Variants in ACBD6 observed in about 807,000 individuals in gnomAD.
The protein encoded by ACBD6 is acyl-CoA binding domain containing 6, also known as acyl-CoA-binding domain-containing protein 6.
Under a neutral mutation model 37.2 loss-of-function variants are expected in ACBD6, and 28 were observed. The ratio of observed to expected loss-of-function variants is 0.75; its 90% CI spans 0.56 to 1.03. The LOEUF (loss-of-function observed/expected upper bound fraction) is 1.03, where lower values mean the gene tolerates loss of function less well. Among genes scored for constraint, ACBD6 ranks in the 50% least tolerant of loss-of-function variants. The probability of loss-of-function intolerance (pLI) is 0.00; values close to 1 mark genes in which losing one functional copy is unlikely to be tolerated. For missense variants in ACBD6, 340 were observed against 337.4 expected (o/e 1.01, Z -0.06); for synonymous variants, 113 against 126.8 (o/e 0.89, Z 0.73).
chr1:180,297,269 C>A (rs1649955578), intron 7 of ACBD6, among the ~76,000 whole-genome samples: 2 of 152,218 alleles, frequency 1.3e-5, no homozygotes, highest in Middle Eastern at 3.4e-3. Flanking sequence ...GTGATAGGTA[C>A]TTGGGATATA....
chr1:180,315,309 T>A (rs1303304992), intron 6 of ACBD6, among the ~76,000 whole-genome samples: 9 of 152,196 alleles, frequency 5.9e-5, no homozygotes, highest in Non-Finnish European at 4.4e-5. Flanking sequence ...AACATTTCAG[T>A]TATTTTCCTT....
rs190307857 is a variant in ACBD6, at chr1:180,327,877, A to C, written c.664-13155T>G. Reference sequence around the variant, plus strand: ...ATGTGCTCCTGAAGTTAAACAGATTATTTCTTTCCTCACATGTACTCTGCA... The same window carrying C: ...ATGTGCTCCTGAAGTTAAACAGATTCTTTCTTTCCTCACATGTACTCTGCA... On this transcript the variant is annotated intron_variant, in intron 6 of 7. Coordinates refer to ENST00000367595, the MANE Select transcript of ACBD6 (RefSeq NM_032360.4). Among the ~76,000 whole-genome samples, 249 of 152,218 alleles carry C rather than the reference A, an allele frequency of 1.6e-3. 1 individual carries two copies. Among genetic ancestry groups the C allele is most frequent in the African/African-American group, 5.8e-3 (240 of 41,538 alleles).
At chr1:180,449,118 GT>G (rs1649594823) in intron 3 of ACBD6, among the ~76,000 whole-genome samples, 1 of 151,868 alleles carries the variant, frequency 6.6e-6, no homozygotes, top group Non-Finnish European at 1.5e-5. Flanking sequence ...CATTATTTTT[GT>G]CTCCATGCAA....
chr1:180,411,262 A>G (rs192371098), intron 5 of ACBD6, among the ~76,000 whole-genome samples: 1 of 152,374 alleles, frequency 6.6e-6, no homozygotes, highest in East Asian at 1.9e-4. Context: ...AAAAATTTTA[A>G]AGTACAACAT....
intron 1 of ACBD6, among the ~76,000 whole-genome samples, chr1:180,498,855 CAAA>C (rs112571743): frequency 5.2e-5 from 6 of 114,600 alleles, no homozygotes; most frequent in Non-Finnish European, 3.7e-5. Flanking sequence ...AAAACTGTCT[CAAA>C]AAAAAAAAAA....
chr1:180,337,619 C>A (rs1398445212), intron 6 of ACBD6, among the ~76,000 whole-genome samples: 1 of 152,174 alleles, frequency 6.6e-6, no homozygotes, highest in Non-Finnish European at 1.5e-5. Flanking sequence ...TCTCTCACCA[C>A]TCCTATTCAA....
At position 180,471,263 on chromosome 1, in the gene ACBD6, T is replaced by C. The variant is rs189333769; in HGVS notation, c.384+21006A>G. Among the ~76,000 whole-genome samples the C allele has an allele frequency of 1.1e-3, 163 of 152,010 alleles. 2 individuals carry two copies. Among genetic ancestry groups the C allele is most frequent in the Non-Finnish European group, 1.0e-4 (7 of 67,972 alleles). On this transcript the variant is annotated intron_variant, in intron 3 of 7. Transcript: ENST00000367595. ...AAAAAATACGAAAATTAGCCAGGCA[T>C]GGTAGCATGTGGCTGTAGTACCAGC... is the stretch of plus-strand genomic sequence containing the variant.
chr1:180,493,247 CAAAAAAAAAA>C (rs71121023), intron 2 of ACBD6, among the ~76,000 whole-genome samples: 10 of 47,796 alleles, frequency 2.1e-4, no homozygotes, highest in African/African-American at 9.3e-4. Context: ...AATTCTGTCT[CAAAAAAAAAA>C]AAAAAAAAAA....
chr1:180,365,980 G>A (rs1021641199), intron 6 of ACBD6, among the ~76,000 whole-genome samples: 7 of 151,904 alleles, frequency 4.6e-5, no homozygotes, highest in Admixed American at 6.6e-5. Flanking sequence ...CAAATTGCTT[G>A]GTCTCATTTG....
chr1:180,288,219 AG>A, downstream of ACBD6: 1 of 1,152,716 alleles, frequency 8.7e-7, no homozygotes, highest in South Asian at 1.4e-5. Flanking sequence ...TGAATTGCTG[AG>A]ACTTCAAAAT....
chr1:180,476,852 CAAAA>C (rs199826834), intron 3 of ACBD6, among the ~76,000 whole-genome samples: 1 of 151,214 alleles, frequency 6.6e-6, no homozygotes, highest in African/African-American at 2.4e-5. Flanking sequence ...CAAAAACAAA[CAAAA>C]AAAACAAGAA....
intron 6 of ACBD6, among the ~76,000 whole-genome samples, chr1:180,369,158 A>G (rs1312764147): frequency 6.6e-6 from 1 of 152,208 alleles, no homozygotes; most frequent in African/African-American, 2.4e-5. Context: ...GCCTCCCCCA[A>G]CATTTGTGTG....
intron 4 of ACBD6, among the ~76,000 whole-genome samples, chr1:180,415,329 A>G (rs910310251): frequency 1.3e-5 from 2 of 151,778 alleles, no homozygotes; most frequent in Non-Finnish European, 2.9e-5. Context: ...CCCAGGAGGC[A>G]GAGGTTGCAG....
chr1:180,435,291 C>A (rs544192707), intron 3 of ACBD6: 188 of 528,978 alleles, frequency 3.6e-4, no homozygotes, highest in Non-Finnish European at 5.8e-4. Context: ...CTCTGTCGCC[C>A]AGGTTGGAGT....
At position 180,432,201 on chromosome 1, in the gene ACBD6, G is replaced by C. The variant is rs1648840517; in HGVS notation, c.385-1939C>G. ...CAGCCTGGCAATAGAGCAAGATTCTGTCTCAAAAAAAAAAAAAAATTTATA... is the reference window on the plus strand; with the variant it reads ...CAGCCTGGCAATAGAGCAAGATTCTCTCTCAAAAAAAAAAAAAAATTTATA... On this transcript the variant is annotated intron_variant, in intron 3 of 7. Transcript: ENST00000367595. Among the ~76,000 whole-genome samples the C allele has an allele frequency of 5.1e-5, 4 of 78,342 alleles. No homozygotes were observed. In the South Asian group the frequency reaches 1.8e-3, roughly 36 times the overall value. 51.4% of individuals were successfully genotyped at this position (78,342 alleles called of 152,430 possible).
At chr1:180,417,354 G>A (rs1311532626) in intron 4 of ACBD6, among the ~76,000 whole-genome samples, 2 of 152,190 alleles carry the variant, frequency 1.3e-5, no homozygotes, top group East Asian at 1.9e-4. Context: ...CCTTACTATA[G>A]TTAGTATACT....
At chr1:180,401,717 G>A (rs988179413) in intron 5 of ACBD6, among the ~76,000 whole-genome samples, 1 of 151,342 alleles carries the variant, frequency 6.6e-6, no homozygotes, top group African/African-American at 2.4e-5. Flanking sequence ...GAACCTGGGA[G>A]GTGGAGGTTG....
chr1:180,309,430 A>G (rs2149288472), intron 7 of ACBD6, among the ~76,000 whole-genome samples: 1 of 152,338 alleles, frequency 6.6e-6, no homozygotes, highest in South Asian at 2.1e-4. Flanking sequence ...TGACTCATCT[A>G]AATTCTCAAG....
At chr1:180,331,897 C>A (rs961983210) in intron 6 of ACBD6, among the ~76,000 whole-genome samples, 8 of 152,126 alleles carry the variant, frequency 5.3e-5, no homozygotes, top group Admixed American at 1.3e-4. Flanking sequence ...TATATTGAAT[C>A]CACAAACAAC....
Sources: gnomAD v4.1 joint callset for allele counts (sites outside exome capture counted in the v4.1 genomes callset) on GRCh38, gnomAD v4.1.1 for gene constraint, MANE v1.5 for transcripts, NCBI Gene and HGNC (gene_info 2026-07-23, HGNC 2026-07-21) for gene names.